ADGB: variants seen among roughly 807,000 people sequenced by gnomAD.
ADGB encodes the protein calpain-7-like protein.
In ADGB, 172 loss-of-function variants were observed where a neutral mutation model predicts 210.5. That is an observed-to-expected ratio of 0.82 (90% confidence interval 0.72 to 0.93). The LOEUF (loss-of-function observed/expected upper bound fraction) is 0.93, where lower values mean the gene tolerates loss of function less well. ADGB is among the 40% of genes least tolerant of loss of function. The probability of loss-of-function intolerance (pLI) is 0.00; values close to 1 mark genes in which losing one functional copy is unlikely to be tolerated. For missense variants in ADGB, 2,025 were observed against 1,964.8 expected (o/e 1.03, Z -0.58); for synonymous variants, 658 against 662.7 (o/e 0.99, Z 0.11).
chr6:146,600,282 G>A lies in ADGB; in HGVS notation c.74+1168G>A, dbSNP rs1780533707. The A allele has an allele frequency of 2.6e-5, 5 of 193,256 alleles. No homozygotes were observed. In the South Asian group the frequency reaches 3.9e-4, roughly 15 times the overall value. 12.0% of individuals were successfully genotyped at this position (193,256 alleles called of 1,614,324 possible). On this transcript the variant is annotated intron_variant, in intron 1 of 35. Transcript: ENST00000397944. ...TTTAATAGGATTGCTTTACTTCTGT[G>A]TACCAAAGTCAGGTCTTTTCAGCGT... is the stretch of plus-strand genomic sequence containing the variant.
intron 28 of ADGB, among the ~76,000 whole-genome samples, chr6:146,766,884 C>G (rs748076325): frequency 3.3e-5 from 5 of 152,086 alleles, no homozygotes; most frequent in Non-Finnish European, 7.4e-5. Flanking sequence ...AGACAGAATT[C>G]TTCTCAGAAA....
At chr6:146,757,766 A>G (rs1777428915) in intron 27 of ADGB, among the ~76,000 whole-genome samples, 1 of 152,022 alleles carries the variant, frequency 6.6e-6, no homozygotes, top group Non-Finnish European at 1.5e-5. Context: ...ATAAATAAGA[A>G]TCCTTAGAGT....
At chr6:146,764,155 AAAAC>A in intron 28 of ADGB, 55 bp downstream of exon 28, 5 of 1,405,982 alleles carry the variant, frequency 3.6e-6, no homozygotes, top group Non-Finnish European at 4.8e-6. Context: ...AACATAAAAC[AAAAC>A]AATCATTTCC....
chr6:146,794,844 G>A (rs979954017), intron 33 of ADGB, among the ~76,000 whole-genome samples: 4 of 152,268 alleles, frequency 2.6e-5, no homozygotes, highest in African/African-American at 9.6e-5. Flanking sequence ...CCATCTTATC[G>A]ACTTGTCCTT....
chr6:146,814,002 T>C (rs1202035557), intron 35 of ADGB, among the ~76,000 whole-genome samples: 1 of 80,412 alleles, frequency 1.2e-5, no homozygotes, highest in East Asian at 5.3e-4. Flanking sequence ...CAAACTCTCC[T>C]TAAAATCTCT....
chr6:146,605,964 G>A (rs936367844), intron 1 of ADGB, among the ~76,000 whole-genome samples: 3 of 152,070 alleles, frequency 2.0e-5, no homozygotes, highest in African/African-American at 7.2e-5. Flanking sequence ...TGGGTCAAAT[G>A]GTGGTCCTGT....
chr6:146,782,527 G>C (rs1777816968), intron 30 of ADGB, among the ~76,000 whole-genome samples: 1 of 152,188 alleles, frequency 6.6e-6, no homozygotes, highest in Non-Finnish European at 1.5e-5. Context: ...AATGTTGAAT[G>C]CTATATGTGC....
At chr6:146,780,054 T>C (rs1168887121) in intron 29 of ADGB, among the ~76,000 whole-genome samples, 1 of 151,694 alleles carries the variant, frequency 6.6e-6, no homozygotes, top group Non-Finnish European at 1.5e-5. Flanking sequence ...GCTTTATACA[T>C]ATACATATGT....
intron 29 of ADGB, among the ~76,000 whole-genome samples, chr6:146,780,358 T>C (rs181412515): frequency 1.1e-4 from 17 of 152,250 alleles, no homozygotes; most frequent in African/African-American, 4.1e-4. Flanking sequence ...TCTTAATAAT[T>C]ATTTTAAATG....
intron 1 of ADGB, among the ~76,000 whole-genome samples, chr6:146,615,312 C>G (rs1780781978): frequency 6.6e-6 from 1 of 151,612 alleles, no homozygotes. Flanking sequence ...CCCCCACAGT[C>G]AAATCACTTC....
At chr6:146,769,222 T>C in intron 29 of ADGB, 91 bp downstream of exon 29, 3 of 618,182 alleles carry the variant, frequency 4.9e-6, no homozygotes, top group African/African-American at 1.8e-5. Flanking sequence ...GTCATGAAAA[T>C]ATCATTGTAT....
chr6:146,632,802 G>A (rs9485104), intron 1 of ADGB, among the ~76,000 whole-genome samples: 103,172 of 151,966 alleles, frequency 0.68, 35,038 homozygotes, highest in Middle Eastern at 0.7. Flanking sequence ...CATAAAATAC[G>A]GAATAAATGT....
rs1436263560 is a variant in ADGB, at chr6:146,786,171, A to AT, written c.4315+460dup. ...TTTATATATATTTAAGTTAGTATATATATATATTTAAGTATATATTATATT... is the reference window on the plus strand; with the variant it reads ...TTTATATATATTTAAGTTAGTATATATTATATATTTAAGTATATATTATATT... On this transcript the variant is annotated intron_variant, in intron 32 of 35. Transcript: ENST00000397944. Among the ~76,000 whole-genome samples the AT allele has an allele frequency of 6.4e-4, 92 of 143,736 alleles. 1 individual carries two copies. Among genetic ancestry groups the AT allele is most frequent in the Non-Finnish European group, 1.2e-3 (79 of 65,820 alleles). The allele number at this position is 143,736 out of a possible 152,430, so 94.3% of individuals were successfully genotyped here.
At chr6:146,717,962 C>T (rs1001830151) in intron 16 of ADGB, among the ~76,000 whole-genome samples, 4 of 152,262 alleles carry the variant, frequency 2.6e-5, no homozygotes, top group Non-Finnish European at 4.4e-5. Flanking sequence ...GGACACTCCA[C>T]CATTATGCCT....
intron 26 of ADGB, among the ~76,000 whole-genome samples, chr6:146,750,902 G>A (rs1322510015): frequency 6.6e-6 from 1 of 152,166 alleles, no homozygotes; most frequent in East Asian, 1.9e-4. Context: ...AGAGAGGGTT[G>A]ACGTGGCAGT....
intron 2 of ADGB, among the ~76,000 whole-genome samples, chr6:146,636,751 A>G (rs894424985): frequency 2.6e-5 from 4 of 152,022 alleles, no homozygotes; most frequent in South Asian, 2.1e-4. Context: ...AGTGGTGGAC[A>G]GTGTCCAAGC....
chr6:146,768,899 T>C, intron 28 of ADGB, 121 bp from the exon 29 acceptor site: 1 of 497,504 alleles, frequency 2.0e-6, no homozygotes, highest in Non-Finnish European at 3.6e-6. Flanking sequence ...ATGATTTAAC[T>C]AAATTATGAC....
chr6:146,644,471 T>A (rs1583572071), intron 2 of ADGB, among the ~76,000 whole-genome samples: 1 of 151,904 alleles, frequency 6.6e-6, no homozygotes, highest in Non-Finnish European at 1.5e-5. Flanking sequence ...TCCTGCCGTA[T>A]CTAATATAGT....
chr6:146,689,056 G>T (rs1274240367), intron 10 of ADGB, among the ~76,000 whole-genome samples: 1 of 152,126 alleles, frequency 6.6e-6, no homozygotes, highest in African/African-American at 2.4e-5. Flanking sequence ...GTAGATCTGA[G>T]AGTTTTAATA....
Sources: gnomAD v4.1 joint callset for allele counts (sites outside exome capture counted in the v4.1 genomes callset) on GRCh38, gnomAD v4.1.1 for gene constraint, MANE v1.5 for transcripts, NCBI Gene and HGNC (gene_info 2026-07-23, HGNC 2026-07-21) for gene names.